The following PDE7B variants were observed in gnomAD, a reference collection of about 807,000 sequenced individuals.
The protein encoded by PDE7B is phosphodiesterase 7B.
In PDE7B, 29 loss-of-function variants were observed where a neutral mutation model predicts 56.2. The ratio of observed to expected loss-of-function variants is 0.52; its 90% CI spans 0.38 to 0.70. The LOEUF is 0.70. Ranked by LOEUF, PDE7B falls within the 30% of genes least tolerant of loss-of-function variation. The pLI is 0.00. For synonymous variants in PDE7B, 197 were observed against 196.9 expected (o/e 1.00, Z 0.00); for missense variants, 490 against 565.0 (o/e 0.87, Z 1.35).
chr6:135,999,444 T>C (rs1397790144), intron 2 of PDE7B, among the ~76,000 whole-genome samples: 1 of 152,052 alleles, frequency 6.6e-6, no homozygotes, highest in East Asian at 1.9e-4. Context: ...TAGGCCCCAG[T>C]GTCTGTTGTT....
At chr6:135,977,012 G>A (rs1038149287) in intron 2 of PDE7B, among the ~76,000 whole-genome samples, 2 of 152,110 alleles carry the variant, frequency 1.3e-5, no homozygotes, top group African/African-American at 4.8e-5. Context: ...TGTGTATTCT[G>A]AGAGAGCTTG....
At chr6:135,950,935 T>C (rs568678118) in intron 2 of PDE7B, among the ~76,000 whole-genome samples, 29 of 152,304 alleles carry the variant, frequency 1.9e-4, no homozygotes, top group African/African-American at 7.0e-4. Context: ...CCGGATTCAA[T>C]GCAGCTTTAA....
intron 2 of PDE7B, among the ~76,000 whole-genome samples, chr6:135,989,530 C>T (rs549210004): frequency 6.6e-6 from 1 of 152,260 alleles, no homozygotes; most frequent in East Asian, 1.9e-4. Context: ...AGGAGAATAG[C>T]TTGAACCCAG....
intron 1 of PDE7B, among the ~76,000 whole-genome samples, chr6:135,906,238 T>A (rs925168502): frequency 6.6e-5 from 10 of 152,204 alleles, no homozygotes; most frequent in Admixed American, 1.3e-4. Context: ...GAGAACTTAT[T>A]GTATAAATGG....
intron 1 of PDE7B, among the ~76,000 whole-genome samples, chr6:135,886,836 A>G (rs1016217342): frequency 1.3e-5 from 2 of 152,104 alleles, no homozygotes; most frequent in African/African-American, 2.4e-5. Flanking sequence ...ATGCTCGTGC[A>G]TGTGTCTTTT....
intron 2 of PDE7B, among the ~76,000 whole-genome samples, chr6:135,948,712 T>C (rs1218636356): frequency 6.6e-6 from 1 of 151,834 alleles, no homozygotes; most frequent in Non-Finnish European, 1.5e-5. Flanking sequence ...CATTGAAAAA[T>C]GAACGTTTTA....
At chr6:135,934,781 T>C (rs1376270759) in intron 1 of PDE7B, among the ~76,000 whole-genome samples, 2 of 120,214 alleles carry the variant, frequency 1.7e-5, no homozygotes, top group Non-Finnish European at 3.3e-5. Context: ...ATATATTTAT[T>C]ATATATATAT....
chr6:136,171,595 A>C (rs534126091), intron 8 of PDE7B, among the ~76,000 whole-genome samples: 4 of 152,260 alleles, frequency 2.6e-5, no homozygotes, highest in African/African-American at 9.6e-5. Context: ...TTATGACTAT[A>C]GTGACATGGT....
At chr6:135,893,944 A>G (rs1025761084) in intron 1 of PDE7B, among the ~76,000 whole-genome samples, 8 of 152,206 alleles carry the variant, frequency 5.3e-5, no homozygotes, top group Non-Finnish European at 1.2e-4. Flanking sequence ...CCTGTCACCA[A>G]AAGCATTTAT....
At chr6:135,957,575 C>CTAAA (rs1774819616) in intron 2 of PDE7B, among the ~76,000 whole-genome samples, 1 of 152,136 alleles carries the variant, frequency 6.6e-6, no homozygotes, top group Non-Finnish European at 1.5e-5. Flanking sequence ...TCACAAATCC[C>CTAAA]TCTCCCTGGT....
At chr6:136,085,316 A>AGG (rs1777274104) in intron 2 of PDE7B, among the ~76,000 whole-genome samples, 1 of 152,198 alleles carries the variant, frequency 6.6e-6, no homozygotes, top group African/African-American at 2.4e-5. Context: ...TGCTCAAGGC[A>AGG]GGGGAAAATA....
chr6:136,032,140 T>G (rs1211169418), intron 2 of PDE7B, among the ~76,000 whole-genome samples: 1 of 152,206 alleles, frequency 6.6e-6, no homozygotes, highest in Non-Finnish European at 1.5e-5. Flanking sequence ...TAAAAATGTT[T>G]GAGAAATAAA....
At chr6:136,151,731 C>A (rs1453904575) in intron 6 of PDE7B, among the ~76,000 whole-genome samples, 1 of 152,170 alleles carries the variant, frequency 6.6e-6, no homozygotes, top group East Asian at 1.9e-4. Context: ...GTCAGGAGTT[C>A]GAGACCAGCC....
At chr6:136,108,534 G>A (rs899988090) in intron 2 of PDE7B, among the ~76,000 whole-genome samples, 197 bp from the exon 3 acceptor site, 2 of 152,244 alleles carry the variant, frequency 1.3e-5, no homozygotes, top group Middle Eastern at 3.4e-3. Context: ...CAAGAGACCT[G>A]TGTTCCTTGT....
At chr6:136,178,300 TCTAC>T (rs1458383752) in intron 9 of PDE7B, among the ~76,000 whole-genome samples, 2 of 152,208 alleles carry the variant, frequency 1.3e-5, no homozygotes, top group African/African-American at 4.8e-5. Context: ...CCCTATGCAT[TCTAC>T]TTAAATATAT....
intron 1 of PDE7B, among the ~76,000 whole-genome samples, chr6:135,929,365 A>C (rs568150349): frequency 5.3e-5 from 8 of 152,210 alleles, no homozygotes; most frequent in Non-Finnish European, 2.9e-5. Context: ...ATCTATAACT[A>C]TGCTGTCTAA....
intron 2 of PDE7B, chr6:136,094,237 C>A (rs1328711450): frequency 2.0e-5 from 3 of 152,248 alleles, no homozygotes; most frequent in African/African-American, 7.2e-5. Context: ...GGCCTCAGTT[C>A]TTAATATCAC....
intron 12 of PDE7B, among the ~76,000 whole-genome samples, chr6:136,188,138 A>G (rs2128452415): frequency 6.6e-6 from 1 of 152,346 alleles, no homozygotes; most frequent in Non-Finnish European, 1.5e-5. Flanking sequence ...TGAAGGTCAA[A>G]TCTAATCCAC....
At chr6:136,160,975 T>C (rs1489564847) in intron 8 of PDE7B, among the ~76,000 whole-genome samples, 2 of 152,112 alleles carry the variant, frequency 1.3e-5, no homozygotes, top group Non-Finnish European at 2.9e-5. Flanking sequence ...AAAGTGATAA[T>C]TCATAGATAA....
Sources: allele counts gnomAD v4.1 joint callset (sites outside exome capture counted in the v4.1 genomes callset), GRCh38; gene constraint gnomAD v4.1.1; transcripts MANE v1.5; gene names NCBI Gene and HGNC (gene_info 2026-07-23, HGNC 2026-07-21).